Variants in CXorf38 observed in about 807,000 individuals in gnomAD.
CXorf38 encodes chromosome X open reading frame 38, also known as uncharacterized protein CXorf38.
A neutral mutation model predicts 27.5 loss-of-function variants in CXorf38; 13 were observed. The ratio of observed to expected loss-of-function variants is 0.47; its 90% CI spans 0.31 to 0.75. The LOEUF is 0.75. Ranked by LOEUF, CXorf38 falls within the 30% of genes least tolerant of loss-of-function variation. The pLI is 0.05. For missense variants in CXorf38, 240 were observed against 253.2 expected, an observed-to-expected ratio of 0.95 and a Z score of 0.35; for synonymous variants, 100 against 99.8, an observed-to-expected ratio of 1.00 and a Z score of -0.01.
intron 5 of CXorf38, among the ~76,000 whole-genome samples, chrX:40,632,297 C>T (rs991260372): frequency 1.8e-5 from 2 of 111,726 alleles, no homozygotes; most frequent in African/African-American, 3.3e-5. Flanking sequence ...AACCCAGGAA[C>T]GGTGGTCCTT....
intron 1 of CXorf38, 36 bp downstream of exon 1, chrX:40,647,269 G>A (rs752223081): frequency 5.4e-6 from 6 of 1,101,374 alleles, no homozygotes; most frequent in Non-Finnish European, 7.1e-6. Context: ...GGGGTGGGGT[G>A]GGGGCGGTGG....
chrX:40,630,543 A>G, intron 6 of CXorf38, 71 bp downstream of exon 6: 1 of 1,020,051 alleles, frequency 9.8e-7, no homozygotes, highest in Non-Finnish European at 1.3e-6. Flanking sequence ...ATGGCCTCAC[A>G]TGAGAGAATA....
At chrX:40,647,279 G>A in intron 1 of CXorf38, 26 bp downstream of exon 1, 1 of 1,098,493 alleles carries the variant, frequency 9.1e-7, no homozygotes, top group Non-Finnish European at 1.2e-6. Context: ...GGGGGCGGTG[G>A]TCAAGGCCCC....
chrX:40,635,248 A>G (rs1230867481), intron 5 of CXorf38, among the ~76,000 whole-genome samples: 1 of 113,241 alleles, frequency 8.8e-6, no homozygotes, highest in Non-Finnish European at 1.9e-5. Flanking sequence ...ACATTCTAAT[A>G]CATCATTTTA....
chrX:40,631,045 A>C (rs1927754455), intron 5 of CXorf38, among the ~76,000 whole-genome samples: 1 of 110,196 alleles, frequency 9.1e-6, no homozygotes, highest in South Asian at 3.8e-4. Flanking sequence ...GTCTCCTTCC[A>C]TTTTTTTGCT....
chrX:40,630,817 A>G, intron 5 of CXorf38, 44 bp from the exon 6 acceptor site: 1 of 1,147,797 alleles, frequency 8.7e-7, no homozygotes, highest in Non-Finnish European at 1.2e-6. Flanking sequence ...ACGATTTTAT[A>G]GCAGATTTGT....
At position 40,628,152 on chromosome X, in the gene CXorf38, GGAGA is replaced by G. The variant is rs1380942750; in HGVS notation, c.*2008_*2011del. ...TCTCAAGGAATTTCATGAAATAAAG[GGAGA>G]AAGAAAATGTAAGACTAAAGACTAA... On this transcript the variant is annotated 3_prime_UTR_variant, in exon 7 of 7. Transcript: ENST00000327877. 1 of 112,045 alleles carries G rather than the reference GGAGA, an allele frequency of 8.9e-6. No homozygotes were observed. The highest frequency in any genetic ancestry group is 1.9e-5 in the Non-Finnish European group (1 of 53,228). 9.2% of individuals were successfully genotyped at this position (112,045 alleles called of 1,213,427 possible).
chrX:40,638,909 C>T, intron 3 of CXorf38, 100 bp downstream of exon 3: 1 of 995,652 alleles, frequency 1.0e-6, no homozygotes, highest in East Asian at 3.2e-5. Context: ...CGTGCTATAC[C>T]TGCATGGTTG....
At position 40,637,135 on chromosome X, in the gene CXorf38, T is replaced by C. The variant is rs372043596; in HGVS notation, c.493A>G (p.Ile165Val). 1 of 1,187,095 alleles carries C rather than the reference T, an allele frequency of 8.4e-7. No individual in the cohort carries two copies. The highest frequency in any genetic ancestry group is 1.1e-6 in the Non-Finnish European group (1 of 883,373). ...VTEVIKCRNEIMHSSEMKVSS... is the reference protein window; with the variant it reads ...VTEVIKCRNEVMHSSEMKVSS... ...ACTTTCATCTCTGAAGAGTGCATGA[T>C]CTCATTACGACATTTAATTACCTGC... Residue 165 changes from isoleucine (I) to valine (V), a missense_variant, in exon 4 of 7, where the codon ATC becomes GTC. By Grantham distance (29) the Ile-to-Val change is conservative. Transcript: ENST00000327877.
In CXorf38 at chrX:40,629,717, A is replaced by AT. The variant is rs1316017945; in HGVS notation, c.*446dup. 1 of 111,727 alleles carries AT rather than the reference A, an allele frequency of 9.0e-6. No homozygotes were observed. Among genetic ancestry groups the AT allele is most frequent in the Non-Finnish European group, 1.9e-5 (1 of 53,153 alleles). 9.2% of individuals were successfully genotyped at this position (111,727 alleles called of 1,213,427 possible). A position where few individuals can be genotyped will look rare whatever the true frequency, so the allele number is the denominator to read the frequency against. ...AACCTCTGCCTCCCAGGTTCAAGCG[A>AT]TTCTCCTGCCTCAGCCTCCCGAGTA... On this transcript the variant is annotated 3_prime_UTR_variant, in exon 7 of 7. Coordinates refer to ENST00000327877, the MANE Select transcript of CXorf38 (RefSeq NM_144970.3).
chrX:40,639,123 GA>G lies in CXorf38; in HGVS notation c.356del (p.Phe119SerfsTer6). On this transcript the variant is annotated frameshift_variant, in exon 3 of 7. Coordinates refer to ENST00000327877, the MANE Select transcript of CXorf38 (RefSeq NM_144970.3). LOFTEE classifies it high-confidence loss of function. ...GTTTGTCTGCTAGTCCTCGGGGCAT[GA>G]AGGCCTATAGCAAGGGAGGGAGGAG... ...PVDAWEVAKA[F>X]MPRGLADKQG... 1.7e-6 allele frequency: 2 copies of G among 1,210,728 alleles called. No individual in the cohort carries two copies. The highest frequency in any genetic ancestry group is 2.2e-6 in the Non-Finnish European group (2 of 894,641).
chrX:40,643,066 G>A (rs903449736), intron 2 of CXorf38, among the ~76,000 whole-genome samples: 5 of 109,259 alleles, frequency 4.6e-5, no homozygotes, highest in South Asian at 7.9e-4. Flanking sequence ...ATGAACCACC[G>A]CGCCCAGCCA....
intron 6 of CXorf38, 38 bp downstream of exon 6, chrX:40,630,576 T>C: frequency 8.6e-7 from 1 of 1,167,001 alleles, no homozygotes; most frequent in East Asian, 3.0e-5. Flanking sequence ...ATGAGGTGAT[T>C]CTGTCCTTCT....
At position 40,639,051 on chromosome X, in the gene CXorf38, G is replaced by A. The variant is rs1455438672; in HGVS notation, c.429C>T (p.Asn143=). The change falls in exon 3 of 7, where the codon AAC becomes AAT. Residue 143 remains asparagine, a synonymous_variant. Coordinates refer to ENST00000327877, the MANE Select transcript of CXorf38 (RefSeq NM_144970.3). ...GATCAACCACGAAGTGATCGCAGGA[G>A]TTGATGAGACTTAAAAGAGCAACTG... ...CDAVALLSLI[N]SCDHFVVDRK... 8.3e-7 allele frequency: 1 copy of A among 1,211,181 alleles called. No individual in the cohort carries two copies. The highest frequency in any genetic ancestry group is 2.2e-5 in the Admixed American group (1 of 46,006).
Position 40,640,528 on chromosome X carries a change from T to C in CXorf38, c.352-1400A>G, listed in dbSNP as rs558468072. 5.7e-5 allele frequency among the ~76,000 whole-genome samples: 6 copies of C among 105,828 alleles called. No homozygotes were observed. The South Asian group carries it at 2.2e-3, about 39-fold the overall frequency. The allele number at this position is 105,828 out of a possible 115,157, so 91.9% of individuals were successfully genotyped here. The stretch of plus-strand genomic sequence containing the variant: ...TATGCTCCTGATGGTGGTGAAATCA[T>C]ACACCTGAGCCCCACATAATTCAGA... On this transcript the variant is annotated intron_variant, in intron 2 of 6. Coordinates refer to ENST00000327877, the MANE Select transcript of CXorf38 (RefSeq NM_144970.3).
intron 3 of CXorf38, among the ~76,000 whole-genome samples, chrX:40,637,401 T>C (rs760384746): frequency 6.6e-4 from 74 of 111,643 alleles, no homozygotes; most frequent in Non-Finnish European, 1.2e-3. Flanking sequence ...AGTTTCATCC[T>C]GTCTAGAGGG....
chrX:40,642,773 T>G (rs986785520), intron 2 of CXorf38, among the ~76,000 whole-genome samples: 11 of 110,688 alleles, frequency 9.9e-5, no homozygotes, highest in Non-Finnish European at 5.7e-5. Flanking sequence ...AGGGACATTT[T>G]TTTCTCTTTT....
chrX:40,635,638 G>A (rs1354962156), intron 5 of CXorf38, among the ~76,000 whole-genome samples: 1 of 112,519 alleles, frequency 8.9e-6, no homozygotes, highest in Non-Finnish European at 1.9e-5. Context: ...TGTTTCTCCT[G>A]TACTTGGGAG....
At chrX:40,640,748 T>C in intron 2 of CXorf38, among the ~76,000 whole-genome samples, 1 of 110,419 alleles carries the variant, frequency 9.1e-6, no homozygotes, top group East Asian at 2.8e-4. Flanking sequence ...AAGACCAGCC[T>C]GGCCAACATG....
Sources: allele counts gnomAD v4.1 joint callset (sites outside exome capture counted in the v4.1 genomes callset), GRCh38; gene constraint gnomAD v4.1.1; transcripts MANE v1.5; gene names NCBI Gene and HGNC (gene_info 2026-07-23, HGNC 2026-07-21).